Variants in NRG1 observed in about 807,000 individuals in gnomAD.
NRG1 encodes neuregulin 1.
In NRG1, 18 loss-of-function variants were observed where a neutral mutation model predicts 63.8. The observed-to-expected ratio is 0.28, with a 90% CI of 0.19 to 0.42. The LOEUF is 0.42. Among genes scored for constraint, NRG1 ranks in the 10% least tolerant of loss-of-function variants. The pLI, the probability that NRG1 is intolerant of heterozygous loss-of-function variation, is 1.00. For synonymous variants in NRG1, 302 were observed against 301.3 expected, an observed-to-expected ratio of 1.00 and a Z score of -0.02; for missense variants, 762 against 814.7, an observed-to-expected ratio of 0.94 and a Z score of 0.79.
intron 5 of NRG1, among the ~76,000 whole-genome samples, chr8:32,682,340 AC>A (rs1291554097): frequency 1.3e-5 from 2 of 152,266 alleles, no homozygotes; most frequent in East Asian, 3.9e-4. Context: ...TTAAAAAGTC[AC>A]CTTGGTTGTA....
chr8:31,670,696 C>T (rs1043254080), intron 1 of NRG1, among the ~76,000 whole-genome samples: 1 of 151,978 alleles, frequency 6.6e-6, no homozygotes, highest in East Asian at 1.9e-4. Context: ...AAGTTTTTAT[C>T]TCTCTGATCC....
At chr8:31,919,508 G>A (rs953960636) in intron 1 of NRG1, among the ~76,000 whole-genome samples, 2 of 151,742 alleles carry the variant, frequency 1.3e-5, no homozygotes, top group African/African-American at 4.8e-5. Flanking sequence ...TTTTATAATA[G>A]TGACAATTTA....
chr8:31,786,896 G>A (rs1479054134), intron 1 of NRG1, among the ~76,000 whole-genome samples: 2 of 152,044 alleles, frequency 1.3e-5, no homozygotes, highest in Admixed American at 1.3e-4. Context: ...ATATAGGTGT[G>A]ATTGATTAAA....
rs62498894 is a variant in NRG1, at chr8:32,110,079, A to G, written c.37+470648A>G. Among the ~76,000 whole-genome samples the G allele has an allele frequency of 8.8e-3, 1,339 of 152,322 alleles. 11 individuals carry two copies. Among genetic ancestry groups the G allele is most frequent in the Middle Eastern group, 0.017 (5 of 294 alleles). On this transcript the variant is annotated intron_variant, in intron 1 of 10. Transcript: ENST00000519301. Reference sequence around the variant, plus strand: ...TGCAAACCCCATACTGTTGCTTGGAATAAAACAGGTGCTGAATAAATGGTA... The same window carrying G: ...TGCAAACCCCATACTGTTGCTTGGAGTAAAACAGGTGCTGAATAAATGGTA...
At position 31,987,730 on chromosome 8, in the gene NRG1, C is replaced by G. The variant is rs868281274; in HGVS notation, c.37+348299C>G. 6.2e-4 allele frequency among the ~76,000 whole-genome samples: 94 copies of G among 151,622 alleles called. No individual in the cohort carries two copies. In the Middle Eastern group the frequency reaches 0.014, roughly 22 times the overall value. ...CCCATGTAACAAACCTGCACATGTG[C>G]CCCTGAACCTAAAAGTTGGAAGGAA... On this transcript the variant is annotated intron_variant, in intron 1 of 10. Coordinates refer to the NRG1 transcript ENST00000519301.
rs568406375 is a variant in NRG1, at chr8:32,761,006, C to T, written c.1259+600C>T. 47 of 985,616 alleles carry T rather than the reference C, an allele frequency of 4.8e-5. No homozygotes were observed. The African/African-American group carries it at 5.1e-4, about 11-fold the overall frequency. The allele number at this position is 985,616 out of a possible 1,614,324, so 61.1% of individuals were successfully genotyped here. A position where few individuals can be genotyped will look rare whatever the true frequency, so the allele number is the denominator to read the frequency against. On this transcript the variant is annotated intron_variant, in intron 11 of 11. Transcript: ENST00000356819. ...TGGATGCTGCGTCTGGCAGTCTTCA[C>T]GGGTGGTTTTCAAAGCAGATACTGC...
intron 3 of NRG1, among the ~76,000 whole-genome samples, chr8:32,606,389 G>A (rs1384330097): frequency 1.3e-5 from 2 of 151,906 alleles, no homozygotes; most frequent in African/African-American, 2.4e-5. Flanking sequence ...ACTAGGAAGA[G>A]GCTTCATCTT....
intron 1 of NRG1, among the ~76,000 whole-genome samples, chr8:32,281,386 C>A (rs1011751157): frequency 6.6e-6 from 1 of 151,670 alleles, no homozygotes; most frequent in East Asian, 2.0e-4. Flanking sequence ...CCATGTTGGC[C>A]AGGCTGGTCT....
intron 5 of NRG1, among the ~76,000 whole-genome samples, chr8:32,682,281 A>G (rs1448954455): frequency 3.9e-5 from 6 of 152,154 alleles, no homozygotes; most frequent in African/African-American, 1.2e-4. Context: ...GCATTGATTA[A>G]TATTTAGATT....
At chr8:31,846,639 A>G (rs189798115) in intron 1 of NRG1, among the ~76,000 whole-genome samples, 1 of 152,352 alleles carries the variant, frequency 6.6e-6, no homozygotes, top group Admixed American at 6.5e-5. Flanking sequence ...AACATAATGT[A>G]CAATGGAATG....
Position 32,321,985 on chromosome 8 carries a change from G to A in NRG1, c.38-273843G>A, listed in dbSNP as rs150505974. ...CTTCATTTAGTTCCTAGCTCAATTC[G>A]TGAGTAAATATTTCTTTTCCAGCTT... On this transcript the variant is annotated intron_variant, in intron 1 of 10. Coordinates refer to the NRG1 transcript ENST00000519301. Among the ~76,000 whole-genome samples, 262 of 151,932 alleles carry A rather than the reference G, an allele frequency of 1.7e-3. 1 individual carries two copies. The highest frequency in any genetic ancestry group is 6.0e-3 in the African/African-American group (248 of 41,442).
At chr8:32,481,815 G>A (rs1825324124) in intron 1 of NRG1, among the ~76,000 whole-genome samples, 1 of 152,138 alleles carries the variant, frequency 6.6e-6, no homozygotes, top group Admixed American at 6.5e-5. Flanking sequence ...ATTGGATTAG[G>A]GTGGAGGAGA....
At chr8:32,373,635 A>T (rs994661266) in intron 1 of NRG1, among the ~76,000 whole-genome samples, 1 of 152,090 alleles carries the variant, frequency 6.6e-6, no homozygotes, top group African/African-American at 2.4e-5. Context: ...AAAATTAGCC[A>T]GGAGTGGTGG....
exon 12 of NRG1, chr8:32,765,097 T>C (rs923051456): frequency 6.6e-6 from 1 of 152,196 alleles, no homozygotes; most frequent in African/African-American, 2.4e-5. Context: ...ATTTACTTTA[T>C]TTGATTTTAT....
intron 1 of NRG1, among the ~76,000 whole-genome samples, chr8:32,296,594 C>T (rs950855724): frequency 1.5e-5 from 2 of 136,284 alleles, no homozygotes; most frequent in African/African-American, 2.8e-5. Flanking sequence ...CCAGCCTGGG[C>T]GACAAGAGTG....
chr8:31,795,536 C>G (rs915220191), intron 1 of NRG1, among the ~76,000 whole-genome samples: 2 of 151,828 alleles, frequency 1.3e-5, no homozygotes, highest in African/African-American at 4.9e-5. Flanking sequence ...CCTGTAACCC[C>G]GCAAAACAAA....
At chr8:32,622,016 C>G (rs1848424926) in intron 5 of NRG1, among the ~76,000 whole-genome samples, 1 of 152,142 alleles carries the variant, frequency 6.6e-6, no homozygotes, top group African/African-American at 2.4e-5. Flanking sequence ...GCCAGTTGTA[C>G]CCAAGTGATC....
At chr8:31,856,848 G>A (rs949689922) in intron 1 of NRG1, among the ~76,000 whole-genome samples, 39 of 152,194 alleles carry the variant, frequency 2.6e-4, no homozygotes, top group Admixed American at 5.2e-4. Context: ...ACCCTCAGCT[G>A]CACTTCTGTT....
intron 1 of NRG1, among the ~76,000 whole-genome samples, chr8:32,298,098 G>A (rs78282594): frequency 6.6e-6 from 1 of 152,216 alleles, no homozygotes. Flanking sequence ...AAGAGCAAAA[G>A]AAACTATTAA....
Sources: allele counts gnomAD v4.1 joint callset (sites outside exome capture counted in the v4.1 genomes callset), GRCh38; gene constraint gnomAD v4.1.1; transcripts MANE v1.5; gene names NCBI Gene and HGNC (gene_info 2026-07-23, HGNC 2026-07-21).